The following DTNB variants were observed in gnomAD, a reference collection of about 807,000 sequenced individuals.
DTNB encodes the protein dystrobrevin beta, also known as DTN-B.
DTNB carries 63 observed loss-of-function variants against 90.7 expected under a neutral mutation model. That is an observed-to-expected ratio of 0.69 (90% CI 0.57 to 0.86). DTNB has a LOEUF of 0.86. Among genes scored for constraint, DTNB ranks in the 40% least tolerant of loss-of-function variants. The pLI, the probability that DTNB is intolerant of heterozygous loss-of-function variation, is 0.00. For synonymous variants in DTNB, 277 were observed against 286.7 expected, an observed-to-expected ratio of 0.97 and a Z score of 0.34; for missense variants, 744 against 807.1, an observed-to-expected ratio of 0.92 and a Z score of 0.95.
At chr2:25,623,112 A>G (rs1475037590) in intron 4 of DTNB, among the ~76,000 whole-genome samples, 2 of 152,190 alleles carry the variant, frequency 1.3e-5, no homozygotes, top group African/African-American at 2.4e-5. Context: ...GAAAACAAAA[A>G]CAGAGGAAAT....
intron 1 of DTNB, among the ~76,000 whole-genome samples, chr2:25,663,386 C>G (rs2083671790): frequency 6.6e-6 from 1 of 152,152 alleles, no homozygotes; most frequent in Non-Finnish European, 1.5e-5. Flanking sequence ...GTGCATGTGT[C>G]TTTATAGGAG....
intron 1 of DTNB, among the ~76,000 whole-genome samples, chr2:25,655,248 T>C (rs1016303353): frequency 1.1e-4 from 16 of 152,204 alleles, no homozygotes; most frequent in African/African-American, 3.4e-4. Flanking sequence ...TTTCTTCCTC[T>C]TACTACAAGA....
Position 25,451,644 on chromosome 2 carries a change from G to A in DTNB, c.1170-9C>T, listed in dbSNP as rs2150128450. The A allele has an allele frequency of 6.4e-7, 1 of 1,569,738 alleles. No homozygotes were observed. Among genetic ancestry groups the A allele is most frequent in the South Asian group, 1.2e-5 (1 of 84,312 alleles). ...TAGGACTGTCCAGAACACTGCCAAG[G>A]AAATAAAAATGCAACAAGTGTCTAT... On this transcript the variant is annotated splice_polypyrimidine_tract_variant and intron_variant, in intron 11 of 20. Coordinates refer to ENST00000406818, the MANE Select transcript of DTNB (RefSeq NM_021907.5).
At chr2:25,451,443 C>T (rs545220912) in intron 12 of DTNB, 105 bp downstream of exon 12, 3 of 1,221,370 alleles carry the variant, frequency 2.5e-6, no homozygotes, top group Non-Finnish European at 3.4e-6. Context: ...AAAGTGTCCC[C>T]GAGGTACCTG....
At chr2:25,563,929 C>T (rs1193208799) in intron 8 of DTNB, among the ~76,000 whole-genome samples, 2 of 151,908 alleles carry the variant, frequency 1.3e-5, no homozygotes, top group African/African-American at 4.8e-5. Context: ...CTCACTCTGT[C>T]GCCCAGGCTG....
chr2:25,408,690 G>A (rs919408523), intron 16 of DTNB, among the ~76,000 whole-genome samples: 1 of 152,076 alleles, frequency 6.6e-6, no homozygotes. Context: ...GTATGATTAG[G>A]AGTAAATGGA....
intron 2 of DTNB, among the ~76,000 whole-genome samples, chr2:25,651,873 T>C (rs2148934628): frequency 6.6e-6 from 1 of 152,198 alleles, no homozygotes; most frequent in East Asian, 1.9e-4. Context: ...AAGATTTCAC[T>C]GGGGGAAAAA....
Position 25,387,268 on chromosome 2 carries a change from G to C in DTNB, c.1825+21C>G. 1 of 1,602,206 alleles carries C rather than the reference G, an allele frequency of 6.2e-7. No homozygotes were observed. Among genetic ancestry groups the C allele is most frequent in the South Asian group, 1.1e-5 (1 of 90,514 alleles). On this transcript the variant is annotated intron_variant, in intron 18 of 20. Coordinates refer to ENST00000406818, the MANE Select transcript of DTNB (RefSeq NM_021907.5). The surrounding 1 kb of genome is among the most constrained non-coding windows in gnomAD (Gnocchi z 4.5). ...CAAGGCAGGGGAGGCCAGGAAGCTG[G>C]CTGGGAGCTCTGGGTTTCACCTGAA...
At chr2:25,419,844 A>C (rs1254140715) in intron 15 of DTNB, among the ~76,000 whole-genome samples, 1 of 152,234 alleles carries the variant, frequency 6.6e-6, no homozygotes, top group Non-Finnish European at 1.5e-5. Flanking sequence ...GACCTGCCTA[A>C]GGTTCACATA....
At chr2:25,536,329 G>A (rs1473100158) in intron 8 of DTNB, among the ~76,000 whole-genome samples, 1 of 152,236 alleles carries the variant, frequency 6.6e-6, no homozygotes, top group Non-Finnish European at 1.5e-5. Context: ...TGTAATCTTA[G>A]CACCTTGGGA....
intron 16 of DTNB, 169 bp from the exon 17 acceptor site, chr2:25,388,530 GAAGAA>G (rs1333538424): frequency 1.2e-5 from 11 of 910,780 alleles, no homozygotes; most frequent in African/African-American, 1.7e-5. Flanking sequence ...CTGGAGAGAG[GAAGAA>G]AAGGAAAAAA....
Position 25,377,458 on chromosome 2 carries a change from TCCAGGTGTGCGGTGG to T in DTNB, c.*110_*124del. On this transcript the variant is annotated 3_prime_UTR_variant, in exon 21 of 21. Coordinates refer to ENST00000406818, the MANE Select transcript of DTNB (RefSeq NM_021907.5). The stretch of plus-strand genomic sequence containing the variant: ...GACGTCTGGCAGCCTGCAAGCCTGG[TCCAGGTGTGCGGTGG>T]AAAGATGGAGAGGAATGTGCCTCTG... The T allele has an allele frequency of 6.5e-6, 1 of 152,892 alleles. No individual in the cohort carries two copies. The highest frequency in any genetic ancestry group is 1.9e-4 in the East Asian group (1 of 5,324). 9.5% of individuals were successfully genotyped at this position (152,892 alleles called of 1,614,324 possible).
chr2:25,582,087 T>C (rs2061634887), intron 6 of DTNB, among the ~76,000 whole-genome samples: 1 of 152,252 alleles, frequency 6.6e-6, no homozygotes, highest in Non-Finnish European at 1.5e-5. Flanking sequence ...GTTTAAATCA[T>C]TTATTTCAAG....
intron 4 of DTNB, among the ~76,000 whole-genome samples, chr2:25,616,630 TAAA>T (rs58950790): frequency 8.5e-6 from 1 of 117,676 alleles, no homozygotes; most frequent in South Asian, 2.9e-4. Flanking sequence ...CTATTTATAG[TAAA>T]AAAAAAAAAA....
rs2040353606 is a variant in DTNB, at chr2:25,389,019, TG to T, written c.1576-659del. 2.0e-5 allele frequency among the ~76,000 whole-genome samples: 3 copies of T among 152,292 alleles called. No homozygotes were observed. In the South Asian group the frequency reaches 6.2e-4, roughly 32 times the overall value. ...GCGCCACCACGCTGGGCTAATTTTT[TG>T]TATTTTTAGTAGATACGGGGTTTCA... On this transcript the variant is annotated intron_variant, in intron 16 of 20. Coordinates refer to ENST00000406818, the MANE Select transcript of DTNB (RefSeq NM_021907.5).
chr2:25,499,560 T>C lies in DTNB; in HGVS notation c.1002-16687A>G, dbSNP rs537169776. ...ATTTCATAGGAATAAAATGTTCTAC[T>C]GCTTTTTTAAAAAGTTTGAAAACCC... On this transcript the variant is annotated intron_variant, in intron 9 of 20. Transcript: ENST00000406818. 2.0e-5 allele frequency among the ~76,000 whole-genome samples: 3 copies of C among 152,354 alleles called. No individual in the cohort carries two copies. In the South Asian group the frequency reaches 6.2e-4, roughly 32 times the overall value.
At chr2:25,612,592 G>A (rs1208643064) in intron 4 of DTNB, among the ~76,000 whole-genome samples, 1 of 151,976 alleles carries the variant, frequency 6.6e-6, no homozygotes, top group Non-Finnish European at 1.5e-5. Flanking sequence ...AGAAATTAAT[G>A]ATGCTGAAAA....
chr2:25,415,588 C>T (rs1363199117), intron 16 of DTNB, among the ~76,000 whole-genome samples: 6 of 152,112 alleles, frequency 3.9e-5, no homozygotes, highest in South Asian at 4.1e-4. Flanking sequence ...AGAAAGACCA[C>T]GGCATTATTA....
At chr2:25,642,839 T>C (rs2078641752) in intron 2 of DTNB, among the ~76,000 whole-genome samples, 3 of 151,640 alleles carry the variant, frequency 2.0e-5, no homozygotes, top group South Asian at 2.1e-4. Flanking sequence ...CTGCAACTTC[T>C]GCCTCCCAGG....
Sources: allele counts gnomAD v4.1 joint callset (sites outside exome capture counted in the v4.1 genomes callset), GRCh38; gene constraint gnomAD v4.1.1; non-coding constraint Gnocchi (gnomAD v3.1); transcripts MANE v1.5; gene names NCBI Gene and HGNC (gene_info 2026-07-23, HGNC 2026-07-21).